Variants in GMCL1 observed in about 807,000 individuals in gnomAD.
The protein encoded by GMCL1 is germ cell-less 1, spermatogenesis associated.
A neutral mutation model predicts 75.5 loss-of-function variants in GMCL1; 54 were observed. The ratio of observed to expected loss-of-function variants is 0.71; its 90% CI spans 0.57 to 0.90. The LOEUF is 0.90. Ranked by LOEUF, GMCL1 falls within the 40% of genes least tolerant of loss-of-function variation. GMCL1 has a pLI of 0.00. For missense variants in GMCL1, 537 were observed against 622.7 expected, an observed-to-expected ratio of 0.86 and a Z score of 1.47; for synonymous variants, 210 against 209.6, an observed-to-expected ratio of 1.00 and a Z score of -0.02.
At chr2:69,867,496 T>G in intron 11 of GMCL1, among the ~76,000 whole-genome samples, 1 of 152,188 alleles carries the variant, frequency 6.6e-6, no homozygotes, top group Non-Finnish European at 1.5e-5. Context: ...TCCAACAATT[T>G]TTTAACTCCA....
intron 11 of GMCL1, among the ~76,000 whole-genome samples, chr2:69,866,917 T>A (rs1675832872): frequency 6.6e-6 from 1 of 152,014 alleles, no homozygotes; most frequent in African/African-American, 2.4e-5. Context: ...GTGGCCATAA[T>A]TCACTGAGTT....
chr2:69,854,486 C>G (rs1283571524), intron 8 of GMCL1, among the ~76,000 whole-genome samples: 2 of 152,072 alleles, frequency 1.3e-5, no homozygotes, highest in African/African-American at 4.8e-5. Context: ...CTGTTCAGGT[C>G]TTGGGAGGGG....
At chr2:69,863,911 T>C (rs1458741125) in intron 10 of GMCL1, among the ~76,000 whole-genome samples, 5 of 152,148 alleles carry the variant, frequency 3.3e-5, no homozygotes, top group African/African-American at 1.2e-4. Flanking sequence ...CTATTTCTTC[T>C]GCCTGGAATA....
chr2:69,865,304 G>A (rs1414495026), intron 11 of GMCL1, among the ~76,000 whole-genome samples: 3 of 152,224 alleles, frequency 2.0e-5, no homozygotes, highest in Non-Finnish European at 4.4e-5. Context: ...TGTTACAGTT[G>A]TCCTAAATCA....
Position 69,830,053 on chromosome 2 carries a change from G to T in GMCL1, c.161G>T (p.Arg54Leu). 1 of 1,567,092 alleles carries T rather than the reference G, an allele frequency of 6.4e-7. No individual in the cohort carries two copies. Among genetic ancestry groups the T allele is most frequent in the Non-Finnish European group, 8.7e-7 (1 of 1,155,406 alleles). The change falls in exon 1 of 14, where the codon CGG (arginine) becomes CTG (leucine). Residue 54 changes from arginine to leucine, a missense_variant. Coordinates refer to ENST00000282570, the MANE Select transcript of GMCL1 (RefSeq NM_178439.5). ...TGTGCGGGCAGCCACAAGCGCAAGC[G>T]GAGCAGCGGGTCCTTCTGCTACTGT... ...CYCAGSHKRK[R>L]SSGSFCYCHP...
chr2:69,846,642 G>A (rs1267792010), intron 6 of GMCL1, among the ~76,000 whole-genome samples: 1 of 152,054 alleles, frequency 6.6e-6, no homozygotes, highest in African/African-American at 2.4e-5. Context: ...ATGGCTCAAA[G>A]GAAAGAAAGA....
At position 69,842,077 on chromosome 2, in the gene GMCL1, A is replaced by G. The variant is rs142011872; in HGVS notation, c.579+1038A>G. On this transcript the variant is annotated intron_variant, in intron 4 of 13. Coordinates refer to ENST00000282570, the MANE Select transcript of GMCL1 (RefSeq NM_178439.5). ...GAATACTTCAGTAACAATGTGACAG[A>G]TGAATTGAAGGAAAGATGAGTACAG... Among the ~76,000 whole-genome samples the G allele has an allele frequency of 4.5e-3, 683 of 152,338 alleles. 7 individuals are homozygous for G. Among genetic ancestry groups the G allele is most frequent in the African/African-American group, 0.014 (588 of 41,572 alleles).
At chr2:69,837,134 C>T (rs1268966918) in intron 1 of GMCL1, among the ~76,000 whole-genome samples, 1 of 152,062 alleles carries the variant, frequency 6.6e-6, no homozygotes, top group African/African-American at 2.4e-5. Flanking sequence ...TTCTCCATTT[C>T]CTACTTGCAG....
At chr2:69,860,954 C>T (rs1037073095) in intron 9 of GMCL1, among the ~76,000 whole-genome samples, 2 of 152,228 alleles carry the variant, frequency 1.3e-5, no homozygotes, top group Non-Finnish European at 2.9e-5. Context: ...GCGATTCTCC[C>T]GCCTCAGCCC....
intron 8 of GMCL1, among the ~76,000 whole-genome samples, chr2:69,852,739 A>G (rs1468346582): frequency 3.3e-5 from 5 of 152,128 alleles, no homozygotes; most frequent in African/African-American, 1.2e-4. Context: ...GGAGTTTGCC[A>G]TGTTGGCCAG....
chr2:69,868,559 A>T (rs1260331195), intron 11 of GMCL1, among the ~76,000 whole-genome samples: 2 of 150,970 alleles, frequency 1.3e-5, no homozygotes, highest in African/African-American at 4.9e-5. Context: ...TTTTATTTTT[A>T]TTTTTATTTT....
chr2:69,860,251 A>C (rs1359188709), intron 9 of GMCL1, among the ~76,000 whole-genome samples: 1 of 152,094 alleles, frequency 6.6e-6, no homozygotes, highest in African/African-American at 2.4e-5. Flanking sequence ...TCAGCCTCCC[A>C]AAGTGCTTGG....
intron 10 of GMCL1, 60 bp downstream of exon 10, chr2:69,861,407 C>T (rs1330367352): frequency 3.0e-6 from 3 of 1,008,374 alleles, no homozygotes; most frequent in Non-Finnish European, 4.6e-6. Context: ...TTTTTTAATG[C>T]ATTCATTATG....
chr2:69,846,570 A>T (rs78162397), intron 6 of GMCL1, among the ~76,000 whole-genome samples: 363 of 152,292 alleles, frequency 2.4e-3, no homozygotes, highest in Non-Finnish European at 3.9e-3. Flanking sequence ...CTAATTTCTC[A>T]CTGAACTTTT....
Position 69,834,987 on chromosome 2 carries a change from AC to A in GMCL1, c.261-2558del, listed in dbSNP as rs1347588971. Among the ~76,000 whole-genome samples the A allele has an allele frequency of 2.9e-4, 44 of 151,962 alleles. 1 individual carries two copies. The highest frequency in any genetic ancestry group is 3.4e-3 in the Middle Eastern group (1 of 294). On this transcript the variant is annotated intron_variant, in intron 1 of 13. Transcript: ENST00000282570. The stretch of plus-strand genomic sequence containing the variant: ...CCTAACTATGAGGTATTTCTTTTGG[AC>A]CAGGGGTGAAAATTACTAAAATATG...
chr2:69,852,790 C>T (rs1336697709), intron 8 of GMCL1, among the ~76,000 whole-genome samples: 3 of 152,168 alleles, frequency 2.0e-5, no homozygotes, highest in Admixed American at 6.5e-5. Flanking sequence ...CTGCCTGCCT[C>T]GGCCTCCCAA....
chr2:69,880,982 A>G lies in GMCL1; in HGVS notation c.*1978A>G, dbSNP rs965252375. The G allele has an allele frequency of 6.6e-6, 1 of 152,168 alleles. No individual in the cohort carries two copies. The highest frequency in any genetic ancestry group is 2.4e-5 in the African/African-American group (1 of 41,444). The allele number at this position is 152,168 out of a possible 1,614,324, so 9.4% of individuals were successfully genotyped here. On this transcript the variant is annotated 3_prime_UTR_variant, in exon 14 of 14. Transcript: ENST00000282570. ...GAGTTTCCTTACCCTTTATGTATTG[A>G]AAAATATATAAATTCCAAACTTAAA...
At chr2:69,834,396 A>C (rs1158543099) in intron 1 of GMCL1, among the ~76,000 whole-genome samples, 1 of 152,156 alleles carries the variant, frequency 6.6e-6, no homozygotes, top group African/African-American at 2.4e-5. Flanking sequence ...TATTTTAGGA[A>C]CTATTTAATA....
Position 69,830,096 on chromosome 2 carries a change from G to T in GMCL1, c.204G>T (p.Thr68=). ...GCTACTGTCACCCTGACTCGGAGAC[G>T]GACGAGGATGAGGAGGAGGGGGACG... The part of the protein sequence containing the change: ...SFCYCHPDSE[T]DEDEEEGDEQ... Residue 68 remains threonine, a synonymous_variant, in exon 1 of 14, where the codon ACG becomes ACT. Transcript: ENST00000282570. The T allele has an allele frequency of 6.3e-7, 1 of 1,578,556 alleles. No individual in the cohort carries two copies. The highest frequency in any genetic ancestry group is 1.3e-5 in the African/African-American group (1 of 74,508).
Sources: allele counts gnomAD v4.1 joint callset (sites outside exome capture counted in the v4.1 genomes callset), GRCh38; gene constraint gnomAD v4.1.1; transcripts MANE v1.5; gene names NCBI Gene and HGNC (gene_info 2026-07-23, HGNC 2026-07-21).